Variants in SND1 observed in about 807,000 individuals in gnomAD.
SND1 encodes staphylococcal nuclease and tudor domain containing 1.
In SND1, 38 loss-of-function variants were observed where a neutral mutation model predicts 121.7. That is an observed-to-expected ratio of 0.31 (90% CI 0.24 to 0.41). The LOEUF is 0.41. Ranked by LOEUF, SND1 falls within the 10% of genes least tolerant of loss-of-function variation. The pLI is 1.00. For synonymous variants in SND1, 401 were observed against 447.4 expected (o/e 0.90, Z 1.31); for missense variants, 868 against 1,184.6 (o/e 0.73, Z 3.92).
chr7:127,903,409 A>G (rs1477933676), intron 13 of SND1, among the ~76,000 whole-genome samples: 13 of 152,162 alleles, frequency 8.5e-5, no homozygotes. Context: ...GCTGTCTTTC[A>G]GTTAGCATTT....
rs781598539 is a variant in SND1, at chr7:128,029,552, G to A, written c.1779+38496G>A. The A allele has an allele frequency of 6.2e-7, 1 of 1,614,096 alleles. No individual in the cohort carries two copies. Among genetic ancestry groups the A allele is most frequent in the South Asian group, 1.1e-5 (1 of 91,082 alleles). On this transcript the variant is annotated intron_variant, in intron 16 of 23. Transcript: ENST00000354725. This position sits in a 1 kb window ranked among gnomAD's most constrained non-coding sequence, Gnocchi z 4.2. ...GTTCTGCCATCCGACCCTCAGAAAT[G>A]TTGAGGTCTCGAGGTGCGTCCATGA...
intron 16 of SND1, among the ~76,000 whole-genome samples, chr7:128,020,681 G>A (rs935991798): frequency 6.6e-6 from 1 of 152,148 alleles, no homozygotes. Context: ...GGCACCCTCG[G>A]CTGACATAAC....
chr7:127,784,579 A>G (rs1797778388), intron 10 of SND1, among the ~76,000 whole-genome samples: 1 of 152,202 alleles, frequency 6.6e-6, no homozygotes, highest in South Asian at 2.1e-4. Context: ...AACCTGGAGT[A>G]ATTTACAGTA....
intron 12 of SND1, chr7:127,858,051 T>G: frequency 3.1e-6 from 4 of 1,271,392 alleles, no homozygotes; most frequent in Non-Finnish European, 4.6e-6. Context: ...GACCATCTCC[T>G]GGCAACTCTG....
intron 8 of SND1, 145 bp from the exon 9 acceptor site, chr7:127,707,412 G>A (rs1210907855): frequency 1.2e-5 from 7 of 570,362 alleles, no homozygotes; most frequent in Admixed American, 6.2e-5. Context: ...ATTTACTCTC[G>A]CTCTTTGTTC....
At chr7:127,791,141 CTTTTT>C (rs66878881) in intron 10 of SND1, among the ~76,000 whole-genome samples, 3 of 110,856 alleles carry the variant, frequency 2.7e-5, no homozygotes, top group East Asian at 2.2e-4. Context: ...TTTACCTCTC[CTTTTT>C]TTTTTTTTTT....
At chr7:127,976,639 T>C (rs1206658148) in intron 15 of SND1, among the ~76,000 whole-genome samples, 1 of 152,232 alleles carries the variant, frequency 6.6e-6, no homozygotes, top group Non-Finnish European at 1.5e-5. Context: ...AGAAGTCCTT[T>C]TCTTTCCCTC....
At chr7:127,838,221 G>T (rs1238216295) in intron 11 of SND1, among the ~76,000 whole-genome samples, 3 of 152,152 alleles carry the variant, frequency 2.0e-5, no homozygotes, top group Non-Finnish European at 4.4e-5. Flanking sequence ...GATTAGAACT[G>T]GTGGAAAAGG....
intron 16 of SND1, chr7:128,028,174 T>C (rs981755190): frequency 3.3e-5 from 5 of 153,066 alleles, no homozygotes; most frequent in African/African-American, 1.2e-4. Flanking sequence ...TACAAATTCA[T>C]GGTGCTTTTT....
chr7:127,909,150 A>G (rs1800405413), intron 14 of SND1, among the ~76,000 whole-genome samples: 1 of 152,084 alleles, frequency 6.6e-6, no homozygotes, highest in Non-Finnish European at 1.5e-5. Flanking sequence ...TGTTTGTTTG[A>G]TGGTACAAGA....
intron 16 of SND1, among the ~76,000 whole-genome samples, chr7:128,051,076 G>T (rs1314652364): frequency 6.6e-6 from 1 of 152,200 alleles, no homozygotes; most frequent in Non-Finnish European, 1.5e-5. Context: ...AGTGCTGACT[G>T]CTCCTTCTCT....
intron 16 of SND1, among the ~76,000 whole-genome samples, chr7:128,017,034 A>T (rs915265982): frequency 6.6e-6 from 1 of 152,196 alleles, no homozygotes; most frequent in Non-Finnish European, 1.5e-5. Flanking sequence ...CACTGCCAGA[A>T]ACTTTAGCCA....
chr7:127,811,620 G>A (rs918789649), intron 11 of SND1, among the ~76,000 whole-genome samples: 2 of 152,000 alleles, frequency 1.3e-5, no homozygotes, highest in Non-Finnish European at 2.9e-5. Flanking sequence ...TACTGGTTTT[G>A]CCACAAGAAT....
Position 128,074,583 on chromosome 7 carries a change from C to T in SND1, c.1861C>T (p.Leu621=), listed in dbSNP as rs370785775. 12 of 1,613,732 alleles carry T rather than the reference C, an allele frequency of 7.4e-6. No homozygotes were observed. The African/African-American group carries it at 1.6e-4, about 22-fold the overall frequency. Residue 621 remains leucine (L), a synonymous_variant, in exon 17 of 24, where the codon CTG becomes TTG. Coordinates refer to ENST00000354725, the MANE Select transcript of SND1 (RefSeq NM_014390.4). ...LHIDGANLSV[L]LVEHALSKVH... ...CATCGACGGTGCCAACCTGTCCGTC[C>T]TGCTGGTGGAGCACGCGCTCTCCAA...
rs542944343 is a variant in SND1 at position 127,940,274 on chromosome 7, T to G, written c.1669+10945T>G. 3.3e-5 allele frequency among the ~76,000 whole-genome samples: 5 copies of G among 152,328 alleles called. No homozygotes were observed. The East Asian group carries it at 9.7e-4, about 29-fold the overall frequency. On this transcript the variant is annotated intron_variant, in intron 15 of 23. Coordinates refer to ENST00000354725, the MANE Select transcript of SND1 (RefSeq NM_014390.4). The stretch of plus-strand genomic sequence containing the variant: ...TGCCTCAGTTCTAAGTCCCTTCTTG[T>G]GGCTTTCCCAGAGGAATACATTTCA...
chr7:127,954,166 C>G lies in SND1; in HGVS notation c.1669+24837C>G, dbSNP rs1409729849. Among the ~76,000 whole-genome samples, 12 of 152,176 alleles carry G rather than the reference C, an allele frequency of 7.9e-5. No homozygotes were observed. The East Asian group carries it at 1.3e-3, about 17-fold the overall frequency. ...CAGAACCTGCTTTCCTTCCTTCCCC[C>G]CTTACTCCAGCAAATATTTCTGGAA... On this transcript the variant is annotated intron_variant, in intron 15 of 23. Transcript: ENST00000354725.
chr7:127,818,830 G>A (rs1207547950), intron 11 of SND1, among the ~76,000 whole-genome samples: 1 of 152,226 alleles, frequency 6.6e-6, no homozygotes, highest in East Asian at 1.9e-4. Flanking sequence ...GAAAGGAGAA[G>A]TAAAGAATGG....
chr7:127,868,498 G>A (rs780952096), intron 12 of SND1, among the ~76,000 whole-genome samples: 6 of 152,124 alleles, frequency 3.9e-5, no homozygotes, highest in East Asian at 1.9e-4. Flanking sequence ...ACAAATGCTC[G>A]TGTCCTTTCC....
At chr7:127,817,218 G>T (rs1347264263) in intron 11 of SND1, among the ~76,000 whole-genome samples, 2 of 152,188 alleles carry the variant, frequency 1.3e-5, no homozygotes, top group African/African-American at 4.8e-5. Flanking sequence ...TAAGACAACA[G>T]AAATGTATCA....
Sources: allele counts gnomAD v4.1 joint callset (sites outside exome capture counted in the v4.1 genomes callset), GRCh38; gene constraint gnomAD v4.1.1; non-coding constraint Gnocchi (gnomAD v3.1); transcripts MANE v1.5; gene names NCBI Gene and HGNC (gene_info 2026-07-23, HGNC 2026-07-21).